Variants in PLLP observed in about 807,000 individuals in gnomAD.
The protein encoded by PLLP is plasma membrane proteolipid (plasmolipin).
In PLLP, 15 loss-of-function variants were observed where a neutral mutation model predicts 19.7. That is an observed-to-expected ratio of 0.76 (90% CI 0.51 to 1.17). PLLP has a LOEUF of 1.17. Among genes scored for constraint, PLLP ranks in the 50% most tolerant of loss-of-function variants. The pLI is 0.00. For synonymous variants in PLLP, 111 were observed against 116.3 expected (o/e 0.95, Z 0.29); for missense variants, 255 against 258.3 (o/e 0.99, Z 0.09).
chr16:57,278,661 G>A (rs1901183039), intron 1 of PLLP, among the ~76,000 whole-genome samples: 1 of 152,186 alleles, frequency 6.6e-6, no homozygotes, highest in African/African-American at 2.4e-5. Flanking sequence ...CAGTGGAGCT[G>A]GGTTGGATGA....
In PLLP at chr16:57,258,496, C is replaced by A; in HGVS notation, c.398G>T (p.Gly133Val). The A allele has an allele frequency of 6.2e-7, 1 of 1,612,676 alleles. No homozygotes were observed. Among genetic ancestry groups the A allele is most frequent in the Non-Finnish European group, 8.5e-7 (1 of 1,179,930 alleles). Residue 133 changes from glycine to valine, a missense_variant, in exon 3 of 4, where the codon GGC (glycine) becomes GTC (valine). Gly to Val is a moderately radical substitution (Grantham distance 109, BLOSUM62 -3). Coordinates refer to ENST00000219207, the MANE Select transcript of PLLP (RefSeq NM_015993.3). ...CGCGCGCTGGTTATAAGGCCGGGTG[C>A]CCCTCAGGGATGTCAGGTCAACTGC... Reference protein sequence around the residue: ...SAAVDLTSLRGTRPYNQRAAA... With the variant: ...SAAVDLTSLRVTRPYNQRAAA...
At chr16:57,264,031 C>A (rs1033383252) in intron 1 of PLLP, among the ~76,000 whole-genome samples, 2 of 152,198 alleles carry the variant, frequency 1.3e-5, no homozygotes, top group Admixed American at 6.5e-5. Flanking sequence ...CTGCTCCCAG[C>A]AGCTGAGGGG....
intron 1 of PLLP, among the ~76,000 whole-genome samples, chr16:57,267,320 G>A (rs1438452560): frequency 1.3e-5 from 2 of 152,176 alleles, no homozygotes; most frequent in African/African-American, 4.8e-5. Flanking sequence ...TGTATTCCCA[G>A]CACTTTGGGA....
chr16:57,276,606 AAGAG>A (rs1555506079), intron 1 of PLLP, among the ~76,000 whole-genome samples: 3 of 150,084 alleles, frequency 2.0e-5, no homozygotes, highest in South Asian at 2.1e-4. Context: ...AAAAAAAAAA[AAGAG>A]AGAGAGAGAA....
At chr16:57,266,065 C>T (rs1030928603) in intron 1 of PLLP, among the ~76,000 whole-genome samples, 13 of 152,072 alleles carry the variant, frequency 8.5e-5, no homozygotes, top group African/African-American at 3.1e-4. Context: ...AGGACAGGAA[C>T]CCAGATCCGT....
At chr16:57,278,719 C>A (rs1901183639) in intron 1 of PLLP, among the ~76,000 whole-genome samples, 1 of 152,154 alleles carries the variant, frequency 6.6e-6, no homozygotes, top group African/African-American at 2.4e-5. Context: ...AAAGACTGAA[C>A]CACCCACAAA....
chr16:57,264,003 G>A (rs2075449673), intron 1 of PLLP, among the ~76,000 whole-genome samples: 1 of 152,172 alleles, frequency 6.6e-6, no homozygotes. Flanking sequence ...GCTAGGGTTT[G>A]GAGACAGAAA....
intron 1 of PLLP, among the ~76,000 whole-genome samples, chr16:57,276,464 C>T (rs998879042): frequency 1.3e-5 from 2 of 151,638 alleles, no homozygotes; most frequent in African/African-American, 2.4e-5. Flanking sequence ...TGGTGGTGGG[C>T]GCCTGTAATC....
chr16:57,281,381 C>T (rs1234873898), intron 1 of PLLP, among the ~76,000 whole-genome samples: 1 of 152,210 alleles, frequency 6.6e-6, no homozygotes, highest in Non-Finnish European at 1.5e-5. Flanking sequence ...ATGGGAGCTA[C>T]CATGGCTTCC....
chr16:57,276,478 G>A (rs1364628758), intron 1 of PLLP, among the ~76,000 whole-genome samples: 1 of 151,622 alleles, frequency 6.6e-6, no homozygotes, highest in East Asian at 1.9e-4. Context: ...TGTAATCCCA[G>A]CTACTCGGGA....
chr16:57,283,189 T>C (rs1467592498), intron 1 of PLLP, among the ~76,000 whole-genome samples: 1 of 152,128 alleles, frequency 6.6e-6, no homozygotes, highest in Non-Finnish European at 1.5e-5. Flanking sequence ...CAAATTCCGA[T>C]TGCACATTTT....
At chr16:57,272,908 G>A (rs2146446728) in intron 1 of PLLP, among the ~76,000 whole-genome samples, 1 of 152,050 alleles carries the variant, frequency 6.6e-6, no homozygotes, top group Admixed American at 6.6e-5. Flanking sequence ...AGTAAGCCAT[G>A]ATCACACTAC....
intron 2 of PLLP, among the ~76,000 whole-genome samples, chr16:57,259,198 T>C (rs2075435088): frequency 6.6e-6 from 1 of 152,082 alleles, no homozygotes; most frequent in Non-Finnish European, 1.5e-5. Context: ...CCAGACCCAT[T>C]CCTCACAGAA....
rs1460664439 is a variant in PLLP at position 57,262,046 on chromosome 16, G to C, written c.160C>G (p.Leu54Val). ...AGGTGGTACGGGGTGTCCGCAATCA[G>C]CGCCCACACCAGCAGCCCCAGCACC... is the stretch of plus-strand genomic sequence containing the variant. ...QLVLGLLVWA[L>V]IADTPYHLYP... is the part of the protein sequence containing the mutation. Residue 54 changes from leucine to valine, a missense_variant, in exon 2 of 4, where the codon CTG becomes GTG. By Grantham distance (32) the Leu-to-Val change is conservative. Transcript: ENST00000219207. 3.7e-6 allele frequency: 6 copies of C among 1,614,176 alleles called. No homozygotes were observed. In the East Asian group the frequency reaches 1.1e-4, roughly 30 times the overall value.
Position 57,284,609 on chromosome 16 carries a change from T to C in PLLP, c.-69A>G, listed in dbSNP as rs1181510648. On this transcript the variant is annotated 5_prime_UTR_variant, in exon 1 of 4. Transcript: ENST00000219207. ...CGCCCCTCCAGCGGTGGGTGCCGGC[T>C]CCCGCGCCGCTTTTCCCCCAGGCTC... 1.6e-6 allele frequency: 2 copies of C among 1,272,856 alleles called. No individual in the cohort carries two copies. Among genetic ancestry groups the C allele is most frequent in the Non-Finnish European group, 2.0e-6 (2 of 1,001,486 alleles). The allele number at this position is 1,272,856 out of a possible 1,614,324, so 78.8% of individuals were successfully genotyped here. A position where few individuals can be genotyped will look rare whatever the true frequency, so the allele number is the denominator to read the frequency against.
At chr16:57,283,241 C>T (rs922962838) in intron 1 of PLLP, among the ~76,000 whole-genome samples, 3 of 152,022 alleles carry the variant, frequency 2.0e-5, no homozygotes, top group Non-Finnish European at 4.4e-5. Context: ...TTAAACAAAC[C>T]CGCCAGGAGA....
intron 1 of PLLP, among the ~76,000 whole-genome samples, chr16:57,283,033 G>A (rs934272062): frequency 1.1e-4 from 16 of 152,064 alleles, no homozygotes; most frequent in African/African-American, 3.9e-4. Context: ...CTCCCCATCT[G>A]CAGAATTAAA....
At chr16:57,258,242 A>C (rs2075431848) in intron 3 of PLLP, among the ~76,000 whole-genome samples, 1 of 152,044 alleles carries the variant, frequency 6.6e-6, no homozygotes, top group African/African-American at 2.4e-5. Context: ...AAAAAAAGAA[A>C]AAATAGTTAA....
In PLLP at chr16:57,261,992, C is replaced by T. The variant is rs985357032; in HGVS notation, c.214G>A (p.Val72Ile). The T allele has an allele frequency of 1.4e-5, 23 of 1,614,010 alleles. No individual in the cohort carries two copies. The highest frequency in any genetic ancestry group is 8.3e-5 in the Admixed American group (5 of 60,002). Reference sequence around the variant, plus strand: ...GTCACCAGCCAGAGGAAGACAGCGACGAACATCACCCAGCCATAGGCCGGA... The same window carrying T: ...GTCACCAGCCAGAGGAAGACAGCGATGAACATCACCCAGCCATAGGCCGGA... ...LYPAYGWVMFVAVFLWLVTIV... is the reference protein window; with the variant it reads ...LYPAYGWVMFIAVFLWLVTIV... The change falls in exon 2 of 4, where the codon GTC becomes ATC. Residue 72 changes from valine to isoleucine, a missense_variant. By Grantham distance (29) the Val-to-Ile change is conservative. Transcript: ENST00000219207.
Sources: allele counts gnomAD v4.1 joint callset (sites outside exome capture counted in the v4.1 genomes callset), GRCh38; gene constraint gnomAD v4.1.1; transcripts MANE v1.5; gene names NCBI Gene and HGNC (gene_info 2026-07-23, HGNC 2026-07-21).